DHX32: variants seen among roughly 807,000 people sequenced by gnomAD.
DHX32 encodes putative pre-mRNA-splicing factor ATP-dependent RNA helicase DHX32.
Under a neutral mutation model 70.0 loss-of-function variants are expected in DHX32, and 51 were observed. The ratio of observed to expected loss-of-function variants is 0.73; its 90% CI spans 0.58 to 0.92. The LOEUF is 0.92. DHX32 is among the 40% of genes least tolerant of loss of function. DHX32 has a pLI of 0.00. For synonymous variants in DHX32, 310 were observed against 315.3 expected (o/e 0.98, Z 0.18); for missense variants, 762 against 891.8 (o/e 0.85, Z 1.85).
chr10:125,856,495 GAC>G (rs781447198), intron 3 of DHX32, among the ~76,000 whole-genome samples: 9 of 152,234 alleles, frequency 5.9e-5, no homozygotes, highest in Non-Finnish European at 1.2e-4. Flanking sequence ...TAAGTGCCAA[GAC>G]ACAGGGCAGC....
rs145942006 is a variant in DHX32 at position 125,862,274 on chromosome 10, C to T, written c.477-2299G>A. On this transcript the variant is annotated intron_variant, in intron 2 of 10. Transcript: ENST00000284690. ...TCTTTATGAGATCAAAGTGTATGCC[C>T]TCTGCCTTTCTTTTCATACAGGTTC... is the stretch of plus-strand genomic sequence containing the variant. Among the ~76,000 whole-genome samples the T allele has an allele frequency of 3.4e-3, 517 of 152,258 alleles. 1 individual carries two copies. Among genetic ancestry groups the T allele is most frequent in the African/African-American group, 0.012 (497 of 41,554 alleles).
chr10:125,845,902 G>A (rs1944010381), intron 6 of DHX32, among the ~76,000 whole-genome samples: 2 of 152,176 alleles, frequency 1.3e-5, no homozygotes, highest in Admixed American at 1.3e-4. Context: ...GCTCCTGCCC[G>A]TGACATGGAA....
chr10:125,858,435 ATG>A (rs1214657779), intron 3 of DHX32, among the ~76,000 whole-genome samples: 1 of 152,370 alleles, frequency 6.6e-6, no homozygotes, highest in East Asian at 1.9e-4. Context: ...ATTCAAGAGA[ATG>A]TATATCATAT....
intron 1 of DHX32, among the ~76,000 whole-genome samples, chr10:125,888,543 T>G (rs1944352445): frequency 6.6e-6 from 1 of 152,258 alleles, no homozygotes; most frequent in Non-Finnish European, 1.5e-5. Flanking sequence ...AATTCATATA[T>G]TTGCATGAAG....
chr10:125,881,573 T>C (rs1944317690), upstream of DHX32, among the ~76,000 whole-genome samples: 1 of 152,266 alleles, frequency 6.6e-6, no homozygotes, highest in Admixed American at 6.5e-5. Flanking sequence ...CTTTTGCTTA[T>C]GTCAGTTTAG....
chr10:125,870,963 C>T (rs200726513), intron 1 of DHX32, among the ~76,000 whole-genome samples: 2 of 152,326 alleles, frequency 1.3e-5, no homozygotes, highest in African/African-American at 4.8e-5. Flanking sequence ...TGAAATAATA[C>T]TATCCAGTTT....
At chr10:125,840,288 A>G (rs139859778) in intron 8 of DHX32, among the ~76,000 whole-genome samples, 5 of 152,196 alleles carry the variant, frequency 3.3e-5, no homozygotes, top group African/African-American at 9.6e-5. Flanking sequence ...AGGCATACAA[A>G]GGACTTTGTG....
In DHX32 at chr10:125,852,438, G is replaced by A. The variant is rs1203726878; in HGVS notation, c.1206C>T (p.Cys402=). ...TGGAGGCAAATTCTTCAGTGTACAG[G>A]CAGAAAAATTTTCCTAAAAGACACC... ...LGSSSSGKFF[C]LYTEEFASKD... Residue 402 remains cysteine (C), a synonymous_variant, in exon 6 of 11, where the codon TGC becomes TGT. Transcript: ENST00000284690. 6.2e-7 allele frequency: 1 copy of A among 1,613,924 alleles called. No individual in the cohort carries two copies. Among genetic ancestry groups the A allele is most frequent in the East Asian group, 2.2e-5 (1 of 44,894 alleles).
In DHX32 at chr10:125,859,850, A is replaced by G. The variant is rs764997983; in HGVS notation, c.602T>C (p.Leu201Pro). The G allele has an allele frequency of 1.2e-6, 2 of 1,614,140 alleles. No homozygotes were observed. The highest frequency in any genetic ancestry group is 1.7e-6 in the Non-Finnish European group (2 of 1,180,026). The stretch of plus-strand genomic sequence containing the variant: ...TGGTCTTGCTAGTAAAACATCTTTA[A>G]GAAGTCCAAGTAACACATCAGTTGC... ...SIATDVLLGLLKDVLLARPEL... is the reference protein window; with the variant it reads ...SIATDVLLGLPKDVLLARPEL... The change falls in exon 3 of 11, where the codon CTT (leucine) becomes CCT (proline). Residue 201 changes from leucine to proline, a missense_variant. Physicochemically the swap from Leu to Pro is moderately conservative, Grantham distance 98. Coordinates refer to ENST00000284690, the MANE Select transcript of DHX32 (RefSeq NM_018180.3).
chr10:125,873,385 G>A (rs1368446802), intron 1 of DHX32, among the ~76,000 whole-genome samples: 5 of 152,144 alleles, frequency 3.3e-5, no homozygotes. Flanking sequence ...TAGTCCCAAA[G>A]GCCTCTAATC....
At chr10:125,854,326 G>T in intron 3 of DHX32, 123 bp from the exon 4 acceptor site, 1 of 953,360 alleles carries the variant, frequency 1.0e-6, no homozygotes, top group Non-Finnish European at 1.5e-6. Flanking sequence ...AGAAATCCCT[G>T]TGTTGCTGCC....
intron 4 of DHX32, chr10:125,853,252 G>C: frequency 6.4e-7 from 1 of 1,563,046 alleles, no homozygotes; most frequent in South Asian, 1.1e-5. Context: ...AATAAGTCAG[G>C]GATATTTAGG....
chr10:125,877,168 T>C (rs1235644708), intron 1 of DHX32, among the ~76,000 whole-genome samples: 1 of 152,216 alleles, frequency 6.6e-6, no homozygotes, highest in East Asian at 1.9e-4. Flanking sequence ...GAAATTATTG[T>C]AAAATAAAAA....
At position 125,841,768 on chromosome 10, in the gene DHX32, CA is replaced by C; in HGVS notation, c.1517del (p.Val506GlyfsTer2). ...ASCEFDCVDE[V>X]LTIAAMVTAP... ...CTGTTACCATGGCTGCGATTGTTAG[CA>C]CTTCATCTACACAGTCAAATTCACA... is the stretch of plus-strand genomic sequence containing the variant. On this transcript the variant is annotated frameshift_variant, in exon 7 of 11. Transcript: ENST00000284690. LOFTEE classifies it high-confidence loss of function. The C allele has an allele frequency of 6.2e-7, 1 of 1,610,156 alleles. No homozygotes were observed. Among genetic ancestry groups the C allele is most frequent in the Non-Finnish European group, 8.5e-7 (1 of 1,179,146 alleles).
rs1433560155 is a variant in DHX32 at position 125,839,124 on chromosome 10, A to T, written c.1758T>A (p.Val586=). Residue 586 remains valine (V), a synonymous_variant, in exon 9 of 11, where the codon GTT becomes GTA. Transcript: ENST00000284690. ...TAATTTCTAAGAGTTCAGCTCGAAT[A>T]ACATCTGCCATTCTGAGTGCTGAAC... The part of the protein sequence containing the change: ...LNCSALRMAD[V]IRAELLEIIK... 6.2e-7 allele frequency: 1 copy of T among 1,614,116 alleles called. No individual in the cohort carries two copies. The highest frequency in any genetic ancestry group is 8.5e-7 in the Non-Finnish European group (1 of 1,180,042).
chr10:125,863,713 T>C (rs1438158142), intron 2 of DHX32, among the ~76,000 whole-genome samples: 1 of 152,170 alleles, frequency 6.6e-6, no homozygotes, highest in East Asian at 1.9e-4. Context: ...CTTCCCAAAG[T>C]GCTGGGATTA....
intron 6 of DHX32, among the ~76,000 whole-genome samples, chr10:125,845,592 A>G (rs1019649049): frequency 6.6e-6 from 1 of 152,200 alleles, no homozygotes; most frequent in South Asian, 2.1e-4. Flanking sequence ...TCCTTCCACC[A>G]CACTCCTTAA....
chr10:125,854,805 C>G (rs1017533254), intron 3 of DHX32: 1 of 152,246 alleles, frequency 6.6e-6, no homozygotes, highest in Admixed American at 6.5e-5. Flanking sequence ...ACCAAGCAAA[C>G]AGCATGGCTG....
At chr10:125,859,031 TTG>T (rs1193946929) in intron 3 of DHX32, among the ~76,000 whole-genome samples, 2 of 144,150 alleles carry the variant, frequency 1.4e-5, no homozygotes, top group African/African-American at 5.4e-5. Context: ...GTTTTTTTTT[TTG>T]TTTGTTTGTT....
Sources: allele counts gnomAD v4.1 joint callset (sites outside exome capture counted in the v4.1 genomes callset), GRCh38; gene constraint gnomAD v4.1.1; transcripts MANE v1.5; gene names NCBI Gene and HGNC (gene_info 2026-07-23, HGNC 2026-07-21).